NR6A1: variants seen among roughly 807,000 people sequenced by gnomAD.
NR6A1 encodes the protein retinoic acid receptor-related testis-associated receptor.
In NR6A1, 7 loss-of-function variants were observed where a neutral mutation model predicts 59.1. That is an observed-to-expected ratio of 0.12 (90% CI 0.07 to 0.22). The LOEUF is 0.22. Ranked by LOEUF, NR6A1 falls within the 10% of genes least tolerant of loss-of-function variation. The pLI, the probability that NR6A1 is intolerant of heterozygous loss-of-function variation, is 1.00. For synonymous variants in NR6A1, 243 were observed against 236.1 expected, an observed-to-expected ratio of 1.03 and a Z score of -0.27; for missense variants, 468 against 611.6, an observed-to-expected ratio of 0.77 and a Z score of 2.48.
At chr9:124,741,102 TAC>T (rs567420899) in intron 1 of NR6A1, among the ~76,000 whole-genome samples, 6 of 151,968 alleles carry the variant, frequency 3.9e-5, no homozygotes, top group African/African-American at 1.5e-4. Context: ...CACTGTCCAA[TAC>T]AGTTGCCACT....
rs926721450 is a variant in NR6A1, at chr9:124,517,475, G to C, written c.*5230C>G. On this transcript the variant is annotated 3_prime_UTR_variant, in exon 10 of 10. Coordinates refer to ENST00000487099, the MANE Select transcript of NR6A1 (RefSeq NM_033334.4). ...CCGCCAGCTATCATTTGGTCATGGA[G>C]GGTTGATGGAGTCAGGCTGGCGGGC... 2.0e-5 allele frequency: 3 copies of C among 152,292 alleles called. No homozygotes were observed. Among genetic ancestry groups the C allele is most frequent in the Non-Finnish European group, 2.9e-5 (2 of 68,084 alleles). The allele number at this position is 152,292 out of a possible 1,614,324, so 9.4% of individuals were successfully genotyped here. A position where few individuals can be genotyped will look rare whatever the true frequency, so the allele number is the denominator to read the frequency against.
At chr9:124,621,400 C>T (rs1836068640) in intron 2 of NR6A1, among the ~76,000 whole-genome samples, 1 of 151,842 alleles carries the variant, frequency 6.6e-6, no homozygotes, top group African/African-American at 2.4e-5. Context: ...CCTATAATCC[C>T]AGCACTTTGG....
intron 2 of NR6A1, among the ~76,000 whole-genome samples, chr9:124,633,695 C>T (rs545931256): frequency 2.0e-5 from 3 of 152,210 alleles, no homozygotes; most frequent in South Asian, 4.2e-4. Flanking sequence ...ACTGCTCCAT[C>T]GGGCCAAATT....
intron 2 of NR6A1, among the ~76,000 whole-genome samples, chr9:124,604,637 C>A (rs144151452): frequency 2.0e-5 from 3 of 152,132 alleles, no homozygotes; most frequent in African/African-American, 7.2e-5. Flanking sequence ...GGCAAAACCC[C>A]GTTTCTACCA....
intron 8 of NR6A1, among the ~76,000 whole-genome samples, chr9:124,526,462 C>T (rs1204571469): frequency 6.6e-6 from 1 of 152,132 alleles, no homozygotes; most frequent in African/African-American, 2.4e-5. Flanking sequence ...GACGCATGTA[C>T]TGTCCTTGGT....
intron 1 of NR6A1, among the ~76,000 whole-genome samples, chr9:124,749,885 T>C (rs563530463): frequency 2.7e-4 from 41 of 152,326 alleles, no homozygotes; most frequent in African/African-American, 7.9e-4. Context: ...AAGGTTAGAA[T>C]TGCATCCCTA....
chr9:124,673,068 T>A (rs1837843764), intron 2 of NR6A1, among the ~76,000 whole-genome samples: 1 of 152,212 alleles, frequency 6.6e-6, no homozygotes, highest in Non-Finnish European at 1.5e-5. Flanking sequence ...ATGCCTGTAA[T>A]CTTAGCACTT....
rs57251719 is a variant in NR6A1 at position 124,680,090 on chromosome 9, A to ATGTG, written c.142+53214_142+53217dup. Among the ~76,000 whole-genome samples, 889 of 143,230 alleles carry ATGTG rather than the reference A, an allele frequency of 6.2e-3. 2 individuals carry two copies. Among genetic ancestry groups the ATGTG allele is most frequent in the African/African-American group, 9.6e-3 (377 of 39,366 alleles). 94.0% of individuals were successfully genotyped at this position (143,230 alleles called of 152,430 possible). A position where few individuals can be genotyped will look rare whatever the true frequency, so the allele number is the denominator to read the frequency against. ...TGTGTTTATGTGTCTGTGTGTATGT[A>ATGTG]TGTGTGTGTGTGTGTGTGTGTGTGT... On this transcript the variant is annotated intron_variant, in intron 2 of 9. Coordinates refer to ENST00000487099, the MANE Select transcript of NR6A1 (RefSeq NM_033334.4).
In NR6A1 at chr9:124,652,012, A is replaced by AAAAC. The variant is rs555532434; in HGVS notation, c.142+81292_142+81295dup. On this transcript the variant is annotated intron_variant, in intron 2 of 9. Transcript: ENST00000487099. ...CCAAGTAACGGCAGAATAAAGGAAA[A>AAAAC]AAACAAACAAATCTGAGCTAGTTAA... Among the ~76,000 whole-genome samples, 90 of 152,344 alleles carry AAAAC rather than the reference A, an allele frequency of 5.9e-4. 1 individual carries two copies. In the South Asian group the frequency reaches 0.018, roughly 31 times the overall value.
Position 124,587,245 on chromosome 9 carries a change from C to T in NR6A1, c.143-32675G>A, listed in dbSNP as rs527826022. On this transcript the variant is annotated intron_variant, in intron 2 of 9. Coordinates refer to ENST00000487099, the MANE Select transcript of NR6A1 (RefSeq NM_033334.4). ...ATAATGCTACTCCACACATAACAGACTATAGTATAAACACAACTTTTATAT... is the reference window on the plus strand; with the variant it reads ...ATAATGCTACTCCACACATAACAGATTATAGTATAAACACAACTTTTATAT... 2.0e-5 allele frequency among the ~76,000 whole-genome samples: 3 copies of T among 152,280 alleles called. No individual in the cohort carries two copies. In the East Asian group the frequency reaches 5.8e-4, roughly 29 times the overall value.
intron 1 of NR6A1, among the ~76,000 whole-genome samples, chr9:124,737,673 A>C (rs1161016881): frequency 6.6e-6 from 1 of 152,096 alleles, no homozygotes; most frequent in Non-Finnish European, 1.5e-5. Flanking sequence ...CGAGACCAGC[A>C]TGGCAAAAAT....
At chr9:124,611,173 C>CA (rs11405761) in intron 2 of NR6A1, among the ~76,000 whole-genome samples, 5,096 of 134,016 alleles carry the variant, frequency 0.038, 173 homozygotes, top group African/African-American at 0.097. Context: ...CTTCCCTTAC[C>CA]AAAAAAAAAA....
At chr9:124,745,237 A>G (rs1420090753) in intron 1 of NR6A1, among the ~76,000 whole-genome samples, 1 of 148,900 alleles carries the variant, frequency 6.7e-6, no homozygotes, top group Admixed American at 6.9e-5. Context: ...GCTCAGGTAT[A>G]TTCCAATACA....
chr9:124,575,589 A>T lies in NR6A1; in HGVS notation c.143-21019T>A, dbSNP rs79101161. On this transcript the variant is annotated intron_variant, in intron 2 of 9. Coordinates refer to ENST00000487099, the MANE Select transcript of NR6A1 (RefSeq NM_033334.4). ...ACTCTGTCTCAAAAAAATAAAAAAT[A>T]AAAAATTAAATCTCAGCTTTAACAT... Among the ~76,000 whole-genome samples the T allele has an allele frequency of 6.4e-3, 981 of 152,260 alleles. 11 individuals are homozygous for T. The highest frequency in any genetic ancestry group is 0.021 in the African/African-American group (873 of 41,548).
chr9:124,591,948 G>C (rs1248246488), intron 2 of NR6A1, among the ~76,000 whole-genome samples: 1 of 152,134 alleles, frequency 6.6e-6, no homozygotes, highest in Admixed American at 6.5e-5. Flanking sequence ...AACTACTGAG[G>C]CATGCAAAAA....
intron 2 of NR6A1, chr9:124,692,528 G>A (rs756888540): frequency 1.5e-5 from 8 of 529,192 alleles, no homozygotes; most frequent in African/African-American, 3.9e-5. Flanking sequence ...ACCACTGACC[G>A]TTGACTGTAC....
At chr9:124,582,399 A>C (rs1253963190) in intron 2 of NR6A1, among the ~76,000 whole-genome samples, 1 of 152,156 alleles carries the variant, frequency 6.6e-6, no homozygotes, top group Non-Finnish European at 1.5e-5. Flanking sequence ...GGAACAACAC[A>C]CACTGGGGCT....
intron 2 of NR6A1, among the ~76,000 whole-genome samples, chr9:124,632,722 A>G (rs934479351): frequency 1.3e-5 from 2 of 152,222 alleles, no homozygotes; most frequent in South Asian, 2.1e-4. Context: ...GGTTCAATAC[A>G]ACCCCATTTA....
Position 124,554,243 on chromosome 9 carries a change from T to C in NR6A1, c.385+85A>G, listed in dbSNP as rs529878022. 132 of 1,594,212 alleles carry C rather than the reference T, an allele frequency of 8.3e-5. No homozygotes were observed. The African/African-American group carries it at 1.5e-3, about 18-fold the overall frequency. ...ATAAGGCCTGATATGTAGTGCAAGC[T>C]TGAGGAATAAGTAACTAAACAGCTG... On this transcript the variant is annotated intron_variant, in intron 3 of 9. Coordinates refer to ENST00000487099, the MANE Select transcript of NR6A1 (RefSeq NM_033334.4).
Sources: allele counts gnomAD v4.1 joint callset (sites outside exome capture counted in the v4.1 genomes callset), GRCh38; gene constraint gnomAD v4.1.1; transcripts MANE v1.5; gene names NCBI Gene and HGNC (gene_info 2026-07-23, HGNC 2026-07-21).